The following ST8SIA6 variants were observed in gnomAD, a reference collection of about 807,000 sequenced individuals.
ST8SIA6 encodes the protein ST8 alpha-N-acetyl-neuraminide alpha-2,8-sialyltransferase 6.
ST8SIA6 carries 39 observed loss-of-function variants against 33.6 expected under a neutral mutation model. That is an observed-to-expected ratio of 1.16 (90% CI 0.90 to 1.52). The LOEUF (loss-of-function observed/expected upper bound fraction) is 1.52, where lower values mean the gene tolerates loss of function less well. Ranked by LOEUF, ST8SIA6 falls within the 40% of genes most tolerant of loss-of-function variation. ST8SIA6 has a pLI of 0.00. For missense variants in ST8SIA6, 441 were observed against 443.8 expected (o/e 0.99, Z 0.06); for synonymous variants, 172 against 167.2 (o/e 1.03, Z -0.22).
intron 2 of ST8SIA6, among the ~76,000 whole-genome samples, chr10:17,392,804 C>A (rs567742032): frequency 3.3e-5 from 5 of 152,102 alleles, no homozygotes; most frequent in Non-Finnish European, 5.9e-5. Context: ...TGTTTCTTGC[C>A]GATGAAATGC....
intron 5 of ST8SIA6, among the ~76,000 whole-genome samples, chr10:17,329,466 G>T (rs1848230931): frequency 6.6e-6 from 1 of 152,162 alleles, no homozygotes; most frequent in Non-Finnish European, 1.5e-5. Context: ...CTAGCAGAGT[G>T]ACTGGCTCTT....
chr10:17,321,149 A>AG lies in ST8SIA6; in HGVS notation c.925dup (p.Leu309ProfsTer6). ...AGTCACACCTTTAGTTCTCCAGAAA[A>AG]GGGCCAGATCTTTCAGGTACTTGGG... On this transcript the variant is annotated frameshift_variant, in exon 8 of 8. Coordinates refer to ENST00000377602, the MANE Select transcript of ST8SIA6 (RefSeq NM_001004470.3). LOFTEE classifies it high-confidence loss of function. 6.2e-7 allele frequency: 1 copy of AG among 1,614,118 alleles called. No homozygotes were observed. The highest frequency in any genetic ancestry group is 8.5e-7 in the Non-Finnish European group (1 of 1,179,996).
intron 4 of ST8SIA6, 88 bp downstream of exon 4, chr10:17,359,426 C>T: frequency 9.2e-7 from 1 of 1,086,094 alleles, no homozygotes; most frequent in Non-Finnish European, 1.3e-6. Context: ...GGTTCTACTT[C>T]TCTTTTTAAT....
intron 2 of ST8SIA6, among the ~76,000 whole-genome samples, chr10:17,429,108 TTTA>T (rs1852023768): frequency 6.6e-6 from 1 of 151,998 alleles, no homozygotes; most frequent in African/African-American, 2.4e-5. Flanking sequence ...CTCCTGTTGG[TTTA>T]TATCTAGTAT....
At chr10:17,406,091 G>A (rs960853904) in intron 2 of ST8SIA6, among the ~76,000 whole-genome samples, 2 of 152,166 alleles carry the variant, frequency 1.3e-5, no homozygotes, top group African/African-American at 2.4e-5. Flanking sequence ...AAACCAGAAT[G>A]TGTCACCTCA....
At chr10:17,434,113 A>G (rs1192787102) in intron 2 of ST8SIA6, among the ~76,000 whole-genome samples, 1 of 152,104 alleles carries the variant, frequency 6.6e-6, no homozygotes, top group Non-Finnish European at 1.5e-5. Context: ...TATCTCAAGG[A>G]CAGCATTTAT....
At chr10:17,353,147 G>T (rs890169480) in intron 4 of ST8SIA6, among the ~76,000 whole-genome samples, 6 of 152,054 alleles carry the variant, frequency 3.9e-5, no homozygotes, top group Admixed American at 3.9e-4. Flanking sequence ...AAATGCCTGG[G>T]ACATAATAAG....
At chr10:17,428,297 C>T (rs1235358358) in intron 2 of ST8SIA6, among the ~76,000 whole-genome samples, 5 of 152,186 alleles carry the variant, frequency 3.3e-5, no homozygotes, top group Non-Finnish European at 7.3e-5. Flanking sequence ...TCTGGCCCTC[C>T]TTAGTTGTCT....
At chr10:17,444,593 A>T (rs1852632030) in intron 2 of ST8SIA6, among the ~76,000 whole-genome samples, 1 of 152,138 alleles carries the variant, frequency 6.6e-6, no homozygotes, top group South Asian at 2.1e-4. Context: ...CACCCACAGA[A>T]GCTCAGGGGT....
intron 3 of ST8SIA6, among the ~76,000 whole-genome samples, chr10:17,388,565 G>A (rs143410405): frequency 1.8e-4 from 28 of 152,266 alleles, no homozygotes; most frequent in Admixed American, 3.3e-4. Context: ...AAAACATGAA[G>A]GCAGGAAGAC....
chr10:17,402,909 G>C (rs374920582), intron 2 of ST8SIA6, among the ~76,000 whole-genome samples: 1 of 152,108 alleles, frequency 6.6e-6, no homozygotes, highest in East Asian at 1.9e-4. Flanking sequence ...ATGTACCCTA[G>C]AACTTAAAAG....
chr10:17,370,377 GT>G (rs1398602424), intron 3 of ST8SIA6, among the ~76,000 whole-genome samples: 8 of 151,950 alleles, frequency 5.3e-5, no homozygotes, highest in Admixed American at 2.0e-4. Context: ...TTTACTTTTT[GT>G]TTGCTGTATG....
chr10:17,335,802 C>G (rs1378184886), intron 4 of ST8SIA6, among the ~76,000 whole-genome samples: 1 of 152,064 alleles, frequency 6.6e-6, no homozygotes, highest in Non-Finnish European at 1.5e-5. Flanking sequence ...GCTCTTTTAT[C>G]CAGCATTTTG....
intron 2 of ST8SIA6, among the ~76,000 whole-genome samples, chr10:17,398,400 C>T (rs576099778): frequency 1.1e-4 from 16 of 152,112 alleles, no homozygotes; most frequent in African/African-American, 3.6e-4. Flanking sequence ...TATTCAATCC[C>T]TACAAAATAA....
intron 2 of ST8SIA6, among the ~76,000 whole-genome samples, chr10:17,424,923 C>T (rs541407789): frequency 4.0e-5 from 6 of 151,710 alleles, no homozygotes; most frequent in South Asian, 2.1e-4. Flanking sequence ...TTAGTAGAGA[C>T]GGGGTTTCTC....
chr10:17,442,771 T>C (rs906322551), intron 2 of ST8SIA6, among the ~76,000 whole-genome samples: 8 of 152,208 alleles, frequency 5.3e-5, no homozygotes, highest in Admixed American at 5.2e-4. Flanking sequence ...CCTCTTCCAA[T>C]TAGAAAATGT....
chr10:17,411,623 C>A (rs1195435597), intron 2 of ST8SIA6, among the ~76,000 whole-genome samples: 1 of 152,210 alleles, frequency 6.6e-6, no homozygotes, highest in Non-Finnish European at 1.5e-5. Flanking sequence ...GCTACTTTGT[C>A]TTGTTGCAGA....
intron 3 of ST8SIA6, among the ~76,000 whole-genome samples, chr10:17,386,294 A>G (rs1166767799): frequency 6.6e-6 from 1 of 151,576 alleles, no homozygotes; most frequent in Non-Finnish European, 1.5e-5. Context: ...GTTCGATCAC[A>G]AGGTCAGGAG....
chr10:17,341,300 T>C (rs902342903), intron 4 of ST8SIA6, among the ~76,000 whole-genome samples: 9 of 152,290 alleles, frequency 5.9e-5, no homozygotes, highest in Admixed American at 5.2e-4. Context: ...CCAGGGCCTG[T>C]CTGGAGGGAA....
Sources: gnomAD v4.1 joint callset for allele counts (sites outside exome capture counted in the v4.1 genomes callset) on GRCh38, gnomAD v4.1.1 for gene constraint, MANE v1.5 for transcripts, NCBI Gene and HGNC (gene_info 2026-07-23, HGNC 2026-07-21) for gene names.